The following SLC9A9 variants were observed in gnomAD, a reference collection of about 807,000 sequenced individuals.
The protein encoded by SLC9A9 is sodium/hydrogen exchanger 9.
In SLC9A9, 62 loss-of-function variants were observed where a neutral mutation model predicts 77.8. That is an observed-to-expected ratio of 0.80 (90% CI 0.65 to 0.98). The LOEUF (loss-of-function observed/expected upper bound fraction) is 0.98. Among genes scored for constraint, SLC9A9 ranks in the 50% least tolerant of loss-of-function variants. SLC9A9 has a pLI of 0.00. For missense variants in SLC9A9, 775 were observed against 774.9 expected (o/e 1.00, Z 0.00); for synonymous variants, 320 against 283.5 (o/e 1.13, Z -1.29).
chr3:143,791,612 G>A (rs1044460650), intron 4 of SLC9A9, among the ~76,000 whole-genome samples: 52 of 152,118 alleles, frequency 3.4e-4, no homozygotes, highest in African/African-American at 9.9e-4. Flanking sequence ...TTTGCACAAC[G>A]TTCCTGGCAC....
chr3:143,539,001 A>G (rs564088718), intron 9 of SLC9A9, among the ~76,000 whole-genome samples: 13 of 152,352 alleles, frequency 8.5e-5, no homozygotes, highest in African/African-American at 3.1e-4. Flanking sequence ...AAAGCAAGGC[A>G]CAGCACAAAC....
chr3:143,551,633 C>A lies in SLC9A9; in HGVS notation c.1089+729G>T, dbSNP rs1011009305. Among the ~76,000 whole-genome samples the A allele has an allele frequency of 8.5e-5, 13 of 152,350 alleles. No individual in the cohort carries two copies. The East Asian group carries it at 1.9e-3, about 23-fold the overall frequency. On this transcript the variant is annotated intron_variant, in intron 9 of 15. Transcript: ENST00000316549. ...GAAACTTTCTCCTGACTTTCTCAAT[C>A]CTAACTGTAGGGTGATGTCCTACTA... is the stretch of plus-strand genomic sequence containing the variant.
chr3:143,298,296 C>T (rs1174474922), intron 14 of SLC9A9, among the ~76,000 whole-genome samples: 1 of 152,176 alleles, frequency 6.6e-6, no homozygotes, highest in African/African-American at 2.4e-5. Flanking sequence ...TATAGATCTG[C>T]AACCTAGCCC....
At chr3:143,501,530 G>T (rs2035923057) in intron 9 of SLC9A9, among the ~76,000 whole-genome samples, 1 of 150,864 alleles carries the variant, frequency 6.6e-6, no homozygotes, top group African/African-American at 2.5e-5. Context: ...CCTTCAGAAA[G>T]AATGAAGCAA....
chr3:143,266,344 C>A lies in SLC9A9; in HGVS notation c.*358G>T. On this transcript the variant is annotated 3_prime_UTR_variant, in exon 16 of 16. Transcript: ENST00000316549. ...CTCTCCTTAATGGAGGGAATAAAAT[C>A]CAGAATAGAAGTGAAGGGCCTGGAG... 1.8e-6 allele frequency: 1 copy of A among 558,312 alleles called. No individual in the cohort carries two copies. The highest frequency in any genetic ancestry group is 3.2e-6 in the Non-Finnish European group (1 of 313,672). 34.6% of individuals were successfully genotyped at this position (558,312 alleles called of 1,614,324 possible). A position where few individuals can be genotyped will look rare whatever the true frequency, so the allele number is the denominator to read the frequency against.
At chr3:143,756,186 T>G (rs781032541) in intron 4 of SLC9A9, among the ~76,000 whole-genome samples, 1 of 152,166 alleles carries the variant, frequency 6.6e-6, no homozygotes, top group Non-Finnish European at 1.5e-5. Context: ...AGAAAATATC[T>G]AGGGGCGTTT....
At chr3:143,394,945 AAG>A (rs2033688197) in intron 12 of SLC9A9, among the ~76,000 whole-genome samples, 1 of 152,216 alleles carries the variant, frequency 6.6e-6, no homozygotes, top group Admixed American at 6.5e-5. Flanking sequence ...AGTGAAATAA[AAG>A]AGGATACAAA....
intron 6 of SLC9A9, among the ~76,000 whole-genome samples, chr3:143,584,609 T>G (rs2037511321): frequency 6.6e-6 from 1 of 152,170 alleles, no homozygotes; most frequent in South Asian, 2.1e-4. Flanking sequence ...ATGTAATCCC[T>G]AACAAAAAAA....
intron 12 of SLC9A9, among the ~76,000 whole-genome samples, chr3:143,391,833 C>T (rs2033573866): frequency 1.3e-5 from 2 of 152,064 alleles, no homozygotes. Flanking sequence ...ATTTGATCAA[C>T]TGGAAGAAAA....
At chr3:143,700,147 G>C (rs777674764) in intron 4 of SLC9A9, among the ~76,000 whole-genome samples, 10 of 151,900 alleles carry the variant, frequency 6.6e-5, no homozygotes, top group African/African-American at 1.7e-4. Flanking sequence ...ATCATCTGCT[G>C]ACCAAAGAGC....
chr3:143,744,634 C>G (rs1421479025), intron 4 of SLC9A9, among the ~76,000 whole-genome samples: 2 of 152,218 alleles, frequency 1.3e-5, no homozygotes, highest in East Asian at 1.9e-4. Flanking sequence ...CTAACTAGAA[C>G]TTACCATTCT....
rs553537123 is a variant in SLC9A9 at position 143,775,909 on chromosome 3, C to T, written c.533+19092G>A. ...GAAATTTAAACTTACAATAACACAC[C>T]GTGGTGCCTTTAAGCACCGTTAAAA... On this transcript the variant is annotated intron_variant, in intron 4 of 15. Coordinates refer to ENST00000316549, the MANE Select transcript of SLC9A9 (RefSeq NM_173653.4). 3.9e-5 allele frequency among the ~76,000 whole-genome samples: 6 copies of T among 152,160 alleles called. No individual in the cohort carries two copies. The South Asian group carries it at 1.0e-3, about 26-fold the overall frequency.
At chr3:143,371,674 T>G (rs2033061775) in intron 13 of SLC9A9, among the ~76,000 whole-genome samples, 1 of 152,136 alleles carries the variant, frequency 6.6e-6, no homozygotes, top group Non-Finnish European at 1.5e-5. Context: ...AGTGAATATT[T>G]CAGAAGGATG....
chr3:143,422,423 A>G (rs912667634), intron 12 of SLC9A9, among the ~76,000 whole-genome samples: 1 of 152,252 alleles, frequency 6.6e-6, no homozygotes, highest in Non-Finnish European at 1.5e-5. Context: ...CAGCCATAAA[A>G]AGAATGAAAT....
intron 4 of SLC9A9, among the ~76,000 whole-genome samples, chr3:143,707,138 T>A (rs970051191): frequency 1.3e-5 from 2 of 152,180 alleles, no homozygotes; most frequent in Non-Finnish European, 1.5e-5. Flanking sequence ...CTCAAACAGC[T>A]ACAACCCCAC....
At chr3:143,773,187 G>A (rs559568477) in intron 4 of SLC9A9, among the ~76,000 whole-genome samples, 2 of 152,024 alleles carry the variant, frequency 1.3e-5, no homozygotes, top group African/African-American at 4.8e-5. Flanking sequence ...GTGGCTTTTT[G>A]GGGGGAAAAG....
At chr3:143,517,554 G>C (rs1180983542) in intron 9 of SLC9A9, 26 of 1,597,470 alleles carry the variant, frequency 1.6e-5, no homozygotes, top group Non-Finnish European at 2.1e-5. Flanking sequence ...TGTGCCCTAG[G>C]TTGAACTTCT....
At chr3:143,774,663 A>T (rs1576717243) in intron 4 of SLC9A9, among the ~76,000 whole-genome samples, 1 of 151,560 alleles carries the variant, frequency 6.6e-6, no homozygotes, top group Non-Finnish European at 1.5e-5. Context: ...TATAACAAGG[A>T]AAAAAGTAAG....
chr3:143,316,785 G>A (rs181207744), intron 14 of SLC9A9, among the ~76,000 whole-genome samples: 1 of 152,158 alleles, frequency 6.6e-6, no homozygotes, highest in African/African-American at 2.4e-5. Context: ...ACAATATTAA[G>A]AGCAAATTCA....
Sources: allele counts gnomAD v4.1 joint callset (sites outside exome capture counted in the v4.1 genomes callset), GRCh38; gene constraint gnomAD v4.1.1; transcripts MANE v1.5; gene names NCBI Gene and HGNC (gene_info 2026-07-23, HGNC 2026-07-21).